Variants in TRAPPC12 observed in about 807,000 individuals in gnomAD.
TRAPPC12 encodes the protein trafficking protein particle complex subunit 12, also known as TPR repeat protein 15.
TRAPPC12 carries 61 observed loss-of-function variants against 69.2 expected under a neutral mutation model. That is an observed-to-expected ratio of 0.88 (90% CI 0.72 to 1.09). The LOEUF is 1.09. Ranked by LOEUF, TRAPPC12 falls within the 50% of genes least tolerant of loss-of-function variation. TRAPPC12 has a pLI of 0.00. For synonymous variants in TRAPPC12, 469 were observed against 438.9 expected (o/e 1.07, Z -0.86); for missense variants, 1,101 against 1,016.4 (o/e 1.08, Z -1.13).
chr2:3,458,479 G>C, intron 7 of TRAPPC12: 1 of 985,084 alleles, frequency 1.0e-6, no homozygotes, highest in Non-Finnish European at 1.2e-6. Context: ...GGGGTTTCTG[G>C]GGAACTGCTG....
intron 3 of TRAPPC12, among the ~76,000 whole-genome samples, chr2:3,408,888 A>G (rs556172477): frequency 2.0e-5 from 3 of 152,268 alleles, no homozygotes; most frequent in South Asian, 2.1e-4. Flanking sequence ...GACCAAGCTC[A>G]CTCTGTGCCG....
chr2:3,386,053 G>A (rs1019202534), intron 1 of TRAPPC12, among the ~76,000 whole-genome samples: 1 of 152,228 alleles, frequency 6.6e-6, no homozygotes, highest in Non-Finnish European at 1.5e-5. Flanking sequence ...AAGGGAATTA[G>A]TAGCTGACCA....
intron 5 of TRAPPC12, among the ~76,000 whole-genome samples, chr2:3,431,833 T>C (rs760590543): frequency 1.3e-5 from 2 of 152,260 alleles, no homozygotes; most frequent in Non-Finnish European, 2.9e-5. Context: ...TCTTGTGTTG[T>C]ACATATTCAC....
intron 2 of TRAPPC12, among the ~76,000 whole-genome samples, chr2:3,391,667 C>G (rs1235423972): frequency 6.6e-6 from 1 of 152,206 alleles, no homozygotes; most frequent in Non-Finnish European, 1.5e-5. Context: ...TTTGCAGGAT[C>G]TTTTTAATGA....
intron 1 of TRAPPC12, among the ~76,000 whole-genome samples, chr2:3,381,366 T>G (rs903739819): frequency 4.0e-4 from 61 of 152,318 alleles, no homozygotes; most frequent in African/African-American, 1.4e-3. Context: ...AAACCAAGTT[T>G]TAAATGTTGT....
intron 5 of TRAPPC12, among the ~76,000 whole-genome samples, chr2:3,441,855 G>T (rs1239399995): frequency 6.6e-6 from 1 of 152,016 alleles, no homozygotes; most frequent in Non-Finnish European, 1.5e-5. Flanking sequence ...CACTGCTTTT[G>T]CTGCATCCCA....
At chr2:3,460,415 T>C (rs1453729543) in intron 8 of TRAPPC12, 79 bp downstream of exon 8, 2 of 791,666 alleles carry the variant, frequency 2.5e-6, no homozygotes, top group Non-Finnish European at 2.2e-6. Flanking sequence ...GCCGCTGGTA[T>C]AATAGATGCT....
intron 5 of TRAPPC12, among the ~76,000 whole-genome samples, chr2:3,430,016 C>A (rs1228694123): frequency 1.3e-5 from 2 of 152,150 alleles, no homozygotes; most frequent in Non-Finnish European, 2.9e-5. Flanking sequence ...TTGCTTCATA[C>A]ACACACATAT....
At position 3,460,328 on chromosome 2, in the gene TRAPPC12, C is replaced by T. The variant is rs776876591; in HGVS notation, c.1669C>T (p.Leu557=). 6.9e-6 allele frequency: 6 copies of T among 872,976 alleles called. No individual in the cohort carries two copies. Among genetic ancestry groups the T allele is most frequent in the African/African-American group, 1.6e-5 (1 of 61,330 alleles). The allele number at this position is 872,976 out of a possible 1,614,324, so 54.1% of individuals were successfully genotyped here. A position where few individuals can be genotyped will look rare whatever the true frequency, so the allele number is the denominator to read the frequency against. The part of the protein sequence containing the change: ...VMYSMANCLL[L]MKDYVLAVEA... ...GTACTCCATGGCAAACTGTCTGCTC[C>T]TGATGAAGGTACGTGGGTGGCCAAG... is the stretch of plus-strand genomic sequence containing the variant. Residue 557 remains leucine (L), a synonymous_variant, in exon 8 of 12, where the codon CTG becomes TTG. Coordinates refer to ENST00000324266, the MANE Select transcript of TRAPPC12 (RefSeq NM_016030.6).
At position 3,402,313 on chromosome 2, in the gene TRAPPC12, T is replaced by C. The variant is rs183468278; in HGVS notation, c.1164+420T>C. ...TAAGTAGGTTTTTAAAATTCATGGC[T>C]GGGCGCAGTGGCTCACACCTGTAAT... On this transcript the variant is annotated intron_variant, in intron 3 of 11. Transcript: ENST00000324266. Among the ~76,000 whole-genome samples, 386 of 152,282 alleles carry C rather than the reference T, an allele frequency of 2.5e-3. 1 individual carries two copies. The highest frequency in any genetic ancestry group is 6.8e-3 in the Middle Eastern group (2 of 292).
In TRAPPC12 at chr2:3,390,741, G is replaced by A. The variant is rs561823737; in HGVS notation, c.1047+2071G>A. 5.3e-5 allele frequency among the ~76,000 whole-genome samples: 8 copies of A among 152,320 alleles called. No individual in the cohort carries two copies. In the South Asian group the frequency reaches 1.7e-3, roughly 32 times the overall value. On this transcript the variant is annotated intron_variant, in intron 2 of 11. Coordinates refer to ENST00000324266, the MANE Select transcript of TRAPPC12 (RefSeq NM_016030.6). ...CCCTAATGTAAGCTGTAGACTTTGG[G>A]TGACAATGATGTGTCCATGTAGATT...
chr2:3,456,324 G>C (rs1305921807), intron 6 of TRAPPC12: 2 of 152,202 alleles, frequency 1.3e-5, no homozygotes, highest in Non-Finnish European at 2.9e-5. Flanking sequence ...ACCTCCTGGG[G>C]TGGGCCGTGT....
At chr2:3,461,227 TG>T (rs984335653) in intron 8 of TRAPPC12, among the ~76,000 whole-genome samples, 2 of 152,188 alleles carry the variant, frequency 1.3e-5, no homozygotes, top group African/African-American at 4.8e-5. Context: ...GCACGGACCC[TG>T]CAGCATCCCC....
intron 6 of TRAPPC12, among the ~76,000 whole-genome samples, chr2:3,444,437 A>G (rs960355350): frequency 6.6e-6 from 1 of 152,238 alleles, no homozygotes. Flanking sequence ...GTGGCACGTT[A>G]TTACACTAAC....
chr2:3,456,807 G>A (rs867953982), intron 6 of TRAPPC12: 2 of 258,342 alleles, frequency 7.7e-6, no homozygotes, highest in African/African-American at 2.4e-5. Flanking sequence ...TCTAACTCCT[G>A]GGCTCAAGTG....
rs1482665195 is a variant in TRAPPC12, at chr2:3,414,620, G to C, written c.1165-7261G>C. On this transcript the variant is annotated intron_variant, in intron 3 of 11. Coordinates refer to ENST00000324266, the MANE Select transcript of TRAPPC12 (RefSeq NM_016030.6). The surrounding 1 kb of genome is among the most constrained non-coding windows in gnomAD (Gnocchi z 4.9). Reference sequence around the variant, plus strand: ...GTCGGCCCGTTTCCTGAATCCTCAGGCATCAGTGCCTCACAGAGCTGTGTG... The same window carrying C: ...GTCGGCCCGTTTCCTGAATCCTCAGCCATCAGTGCCTCACAGAGCTGTGTG... Among the ~76,000 whole-genome samples the C allele has an allele frequency of 2.6e-5, 4 of 152,082 alleles. No individual in the cohort carries two copies. The highest frequency in any genetic ancestry group is 9.6e-5 in the African/African-American group (4 of 41,488).
chr2:3,423,006 G>A (rs1662898507), intron 4 of TRAPPC12, among the ~76,000 whole-genome samples: 1 of 152,266 alleles, frequency 6.6e-6, no homozygotes, highest in Non-Finnish European at 1.5e-5. Context: ...TGGGGAGACT[G>A]AGGCAGGAAG....
At position 3,462,064 on chromosome 2, in the gene TRAPPC12, A is replaced by G. The variant is rs537428691; in HGVS notation, c.1677+1728A>G. Among the ~76,000 whole-genome samples the G allele has an allele frequency of 2.0e-3, 304 of 152,380 alleles. 3 individuals carry two copies. Among genetic ancestry groups the G allele is most frequent in the African/African-American group, 7.0e-3 (291 of 41,590 alleles). The stretch of plus-strand genomic sequence containing the variant: ...ACATTCTTATGCAAAGACATGAAGA[A>G]TCAATTATAAATTCACAGGACTGAC... On this transcript the variant is annotated intron_variant, in intron 8 of 11. Coordinates refer to ENST00000324266, the MANE Select transcript of TRAPPC12 (RefSeq NM_016030.6).
chr2:3,477,112 C>T (rs371726945), intron 9 of TRAPPC12, among the ~76,000 whole-genome samples: 14 of 152,214 alleles, frequency 9.2e-5, no homozygotes, highest in African/African-American at 1.9e-4. Flanking sequence ...CTTCCACCCC[C>T]CAGGCCTCCT....
Sources: gnomAD v4.1 joint callset for allele counts (sites outside exome capture counted in the v4.1 genomes callset) on GRCh38, gnomAD v4.1.1 for gene constraint, Gnocchi (gnomAD v3.1) non-coding constraint, MANE v1.5 for transcripts, NCBI Gene and HGNC (gene_info 2026-07-23, HGNC 2026-07-21) for gene names.